Variants in UBR3 observed in about 807,000 individuals in gnomAD.
The protein encoded by UBR3 is E3 ubiquitin-protein ligase UBR3.
In UBR3, 85 loss-of-function variants were observed where a neutral mutation model predicts 243.2. The ratio of observed to expected loss-of-function variants is 0.35; its 90% CI spans 0.29 to 0.42. The LOEUF (loss-of-function observed/expected upper bound fraction) is 0.42. Among genes scored for constraint, UBR3 ranks in the 10% least tolerant of loss-of-function variants. The pLI is 1.00. For missense variants in UBR3, 1,686 were observed against 2,300.8 expected (o/e 0.73, Z 5.47); for synonymous variants, 748 against 799.8 (o/e 0.94, Z 1.09).
At chr2:170,037,832 A>C (rs1335483178) in intron 31 of UBR3, among the ~76,000 whole-genome samples, 1 of 152,166 alleles carries the variant, frequency 6.6e-6, no homozygotes, top group East Asian at 1.9e-4. Flanking sequence ...TATGCATATT[A>C]TGTTTCAGTT....
intron 32 of UBR3, among the ~76,000 whole-genome samples, chr2:170,050,165 G>T (rs1438035279): frequency 6.6e-6 from 1 of 152,114 alleles, no homozygotes; most frequent in East Asian, 1.9e-4. Context: ...AAACCGTTTG[G>T]ATTCTTCACT....
intron 6 of UBR3, among the ~76,000 whole-genome samples, chr2:169,893,726 T>C (rs1204712649): frequency 2.0e-5 from 3 of 152,088 alleles, no homozygotes; most frequent in Non-Finnish European, 4.4e-5. Context: ...CCCACCTGGC[T>C]GATTTTCGTA....
intron 5 of UBR3, among the ~76,000 whole-genome samples, chr2:169,882,627 G>T (rs1438129065): frequency 6.6e-6 from 1 of 151,368 alleles, no homozygotes; most frequent in Non-Finnish European, 1.5e-5. Context: ...TGTAATCCCA[G>T]CTACTCAGGG....
chr2:169,845,635 A>G (rs2082454558), intron 1 of UBR3, among the ~76,000 whole-genome samples: 1 of 148,826 alleles, frequency 6.7e-6, no homozygotes, highest in South Asian at 2.2e-4. Flanking sequence ...CTAGGCTGGA[A>G]TGCAGTGGTG....
chr2:170,064,970 G>C (rs1020445488), intron 35 of UBR3, among the ~76,000 whole-genome samples: 3 of 151,696 alleles, frequency 2.0e-5, no homozygotes, highest in African/African-American at 7.3e-5. Context: ...AGCCTTCCAA[G>C]TAGCTGGGAT....
At chr2:169,898,742 C>T (rs1440084169) in intron 8 of UBR3, among the ~76,000 whole-genome samples, 1 of 148,286 alleles carries the variant, frequency 6.7e-6, no homozygotes, top group East Asian at 2.0e-4. Context: ...CGCTCTGTCG[C>T]CCAGGCTGGG....
intron 24 of UBR3, among the ~76,000 whole-genome samples, chr2:169,966,255 G>A (rs900336523): frequency 2.0e-5 from 3 of 152,026 alleles, no homozygotes; most frequent in African/African-American, 4.8e-5. Context: ...AGATTTGTCC[G>A]GTTTGTCAGA....
intron 32 of UBR3, among the ~76,000 whole-genome samples, chr2:170,043,995 T>G (rs1350634984): frequency 6.6e-6 from 1 of 152,176 alleles, no homozygotes; most frequent in East Asian, 1.9e-4. Flanking sequence ...TTTCACACTT[T>G]GAGAACTGGA....
chr2:169,997,937 C>T (rs749745354), intron 26 of UBR3, among the ~76,000 whole-genome samples: 5 of 152,184 alleles, frequency 3.3e-5, no homozygotes, highest in African/African-American at 7.2e-5. Context: ...AACTGCAGCT[C>T]GGTTTTCAGG....
Position 170,008,642 on chromosome 2 carries a change from G to A in UBR3, c.4231-162G>A, listed in dbSNP as rs567382473. On this transcript the variant is annotated intron_variant, in intron 28 of 38. Transcript: ENST00000272793. ...ACTGTTTAGAGAGTATTTTTTGATT[G>A]GTTTAACTTTGTACACTAAATATAT... Among the ~76,000 whole-genome samples the A allele has an allele frequency of 7.2e-5, 11 of 151,882 alleles. No individual in the cohort carries two copies. In the East Asian group the frequency reaches 2.1e-3, roughly 29 times the overall value.
intron 1 of UBR3, among the ~76,000 whole-genome samples, chr2:169,856,063 T>A (rs1205036753): frequency 2.0e-5 from 3 of 151,068 alleles, no homozygotes; most frequent in Non-Finnish European, 4.4e-5. Context: ...GAGGGGCTCC[T>A]CACTTCCCAG....
At chr2:169,848,520 A>G (rs2082558819) in intron 1 of UBR3, among the ~76,000 whole-genome samples, 1 of 151,692 alleles carries the variant, frequency 6.6e-6, no homozygotes, top group South Asian at 2.1e-4. Context: ...TTATATTTAT[A>G]TTTAAGTTCA....
intron 26 of UBR3, among the ~76,000 whole-genome samples, chr2:169,996,693 G>GTTTTTTTTTTTTT: frequency 1.6e-5 from 1 of 64,480 alleles, no homozygotes; most frequent in Non-Finnish European, 3.5e-5. Flanking sequence ...TTGGACTTTT[G>GTTTTTTTTTTTTT]TTTTTTTTTT....
At position 169,829,491 on chromosome 2, in the gene UBR3, T is replaced by A. The variant is rs747284238; in HGVS notation, c.545+1439T>A. Among the ~76,000 whole-genome samples the A allele has an allele frequency of 4.2e-5, 6 of 143,690 alleles. No individual in the cohort carries two copies. In the Middle Eastern group the frequency reaches 0.011, roughly 260 times the overall value. The allele number at this position is 143,690 out of a possible 152,430, so 94.3% of individuals were successfully genotyped here. On this transcript the variant is annotated intron_variant, in intron 1 of 38. Coordinates refer to ENST00000272793, the MANE Select transcript of UBR3 (RefSeq NM_172070.4). The stretch of plus-strand genomic sequence containing the variant: ...CAAGCTGGAGTGCAATGGCGCGACC[T>A]CGGCTCACTGAAACCTCCGCCCCCT...
intron 23 of UBR3, among the ~76,000 whole-genome samples, chr2:169,957,948 A>G (rs1267221761): frequency 6.6e-6 from 1 of 152,222 alleles, no homozygotes; most frequent in Non-Finnish European, 1.5e-5. Flanking sequence ...GCTTCTGTTC[A>G]TTCTCTGTTA....
chr2:169,936,172 G>A (rs1343768237), intron 19 of UBR3, among the ~76,000 whole-genome samples: 3 of 151,970 alleles, frequency 2.0e-5, no homozygotes, highest in Non-Finnish European at 2.9e-5. Flanking sequence ...CGATACATCC[G>A]CCTCAGCCTC....
chr2:169,890,549 A>ATATGTGTG (rs1553504461), intron 5 of UBR3, among the ~76,000 whole-genome samples: 3 of 59,266 alleles, frequency 5.1e-5, no homozygotes, highest in Non-Finnish European at 1.0e-4. Context: ...AGATATATAT[A>ATATGTGTG]TATATATATA....
rs780705805 is a variant in UBR3 at position 169,878,512 on chromosome 2, T to C, written c.989-13T>C. The C allele has an allele frequency of 6.5e-7, 1 of 1,549,922 alleles. No individual in the cohort carries two copies. Among genetic ancestry groups the C allele is most frequent in the South Asian group, 1.2e-5 (1 of 83,534 alleles). On this transcript the variant is annotated splice_polypyrimidine_tract_variant and intron_variant, in intron 4 of 38. Coordinates refer to ENST00000272793, the MANE Select transcript of UBR3 (RefSeq NM_172070.4). ...CAACTATGAAGGACAACTATTTTTC[T>C]TCTCCTCCAAAGGTTTCATAGGCGC... is the stretch of plus-strand genomic sequence containing the variant.
At chr2:169,941,841 C>T (rs899061480) in intron 19 of UBR3, among the ~76,000 whole-genome samples, 3 of 152,192 alleles carry the variant, frequency 2.0e-5, no homozygotes, top group Non-Finnish European at 4.4e-5. Flanking sequence ...CTTGTTCTTA[C>T]ATCCCAGAAG....
Sources: gnomAD v4.1 joint callset for allele counts (sites outside exome capture counted in the v4.1 genomes callset) on GRCh38, gnomAD v4.1.1 for gene constraint, MANE v1.5 for transcripts, NCBI Gene and HGNC (gene_info 2026-07-23, HGNC 2026-07-21) for gene names.